The following RSRC1 variants were observed in gnomAD, a reference collection of about 807,000 sequenced individuals.
The protein encoded by RSRC1 is serine/Arginine-related protein 53.
In RSRC1, 39 loss-of-function variants were observed where a neutral mutation model predicts 49.1. That is an observed-to-expected ratio of 0.79 (90% CI 0.61 to 1.04). RSRC1 has a LOEUF of 1.04. RSRC1 is among the 50% of genes least tolerant of loss of function. RSRC1 has a pLI of 0.00. For missense variants in RSRC1, 388 were observed against 402.4 expected, an observed-to-expected ratio of 0.96 and a Z score of 0.31; for synonymous variants, 143 against 130.8, an observed-to-expected ratio of 1.09 and a Z score of -0.63.
chr3:158,399,068 C>A (rs992679958), intron 6 of RSRC1, among the ~76,000 whole-genome samples: 1 of 138,110 alleles, frequency 7.2e-6, no homozygotes, highest in Non-Finnish European at 1.5e-5. Flanking sequence ...TTTCTAAAAT[C>A]TTTACATGGA....
chr3:158,408,942 A>G (rs1734286424), intron 6 of RSRC1, among the ~76,000 whole-genome samples: 1 of 152,094 alleles, frequency 6.6e-6, no homozygotes, highest in Admixed American at 6.6e-5. Context: ...CTGAGGCAGG[A>G]GAATTGCTTG....
chr3:158,527,699 T>C (rs1017535602), intron 7 of RSRC1, among the ~76,000 whole-genome samples: 12 of 151,934 alleles, frequency 7.9e-5, no homozygotes, highest in African/African-American at 2.7e-4. Context: ...AAAATAAGGA[T>C]TTAAACATGA....
intron 5 of RSRC1, among the ~76,000 whole-genome samples, chr3:158,314,112 C>T (rs140895913): frequency 4.0e-4 from 61 of 152,078 alleles, no homozygotes; most frequent in African/African-American, 1.3e-3. Context: ...TGTTGTTAGA[C>T]GGAATCTCAC....
At position 158,456,592 on chromosome 3, in the gene RSRC1, A is replaced by G. The variant is rs1427470569; in HGVS notation, c.584-4343A>G. Among the ~76,000 whole-genome samples, 3 of 152,230 alleles carry G rather than the reference A, an allele frequency of 2.0e-5. No homozygotes were observed. The East Asian group carries it at 5.8e-4, about 29-fold the overall frequency. On this transcript the variant is annotated intron_variant, in intron 6 of 9. Coordinates refer to ENST00000611884, the MANE Select transcript of RSRC1 (RefSeq NM_001271838.2). ...AGTACCTATGGAAAAAAGAAGCAAC[A>G]GTTTTATCCACTTGGGGACAAAGGT...
chr3:158,537,740 A>G (rs924995229), intron 8 of RSRC1, among the ~76,000 whole-genome samples: 1 of 151,616 alleles, frequency 6.6e-6, no homozygotes, highest in Non-Finnish European at 1.5e-5. Context: ...TTAGGTTTCT[A>G]TAGTAGGAAA....
At chr3:158,279,604 A>T (rs1342121288) in intron 4 of RSRC1, among the ~76,000 whole-genome samples, 1 of 152,262 alleles carries the variant, frequency 6.6e-6, no homozygotes, top group Non-Finnish European at 1.5e-5. Context: ...AAACTACCAT[A>T]AATTGAATAT....
chr3:158,324,360 C>T (rs539950877), intron 5 of RSRC1, among the ~76,000 whole-genome samples: 236 of 152,144 alleles, frequency 1.6e-3, no homozygotes, highest in Middle Eastern at 6.8e-3. Context: ...TTAGCTATAT[C>T]TCCTAATGCT....
At chr3:158,306,479 T>G (rs1727847321) in intron 5 of RSRC1, among the ~76,000 whole-genome samples, 1 of 151,924 alleles carries the variant, frequency 6.6e-6, no homozygotes, top group Non-Finnish European at 1.5e-5. Context: ...GAGCACGTAA[T>G]TTGTCTTTTA....
intron 6 of RSRC1, among the ~76,000 whole-genome samples, chr3:158,367,464 C>G (rs9881630): frequency 0.52 from 79,417 of 152,022 alleles, 21,133 homozygotes; most frequent in African/African-American, 0.61. Context: ...GTTGAACCAG[C>G]CTTGCATCCC....
intron 5 of RSRC1, among the ~76,000 whole-genome samples, chr3:158,329,920 A>C (rs1729440323): frequency 6.6e-6 from 1 of 152,152 alleles, no homozygotes; most frequent in East Asian, 1.9e-4. Context: ...CACCTACTCA[A>C]GCCTCAGCAG....
At chr3:158,302,244 G>A (rs1233523911) in intron 5 of RSRC1, among the ~76,000 whole-genome samples, 1 of 152,030 alleles carries the variant, frequency 6.6e-6, no homozygotes, top group Non-Finnish European at 1.5e-5. Flanking sequence ...AGCACAACAG[G>A]TAGCACATGC....
chr3:158,328,120 G>T (rs1052501033), intron 5 of RSRC1, among the ~76,000 whole-genome samples: 6 of 151,722 alleles, frequency 4.0e-5, no homozygotes, highest in Non-Finnish European at 4.4e-5. Flanking sequence ...TTGAGCCTAT[G>T]TGTGTCTCTG....
chr3:158,542,138 A>C (rs183154169), intron 8 of RSRC1, among the ~76,000 whole-genome samples: 11 of 152,346 alleles, frequency 7.2e-5, no homozygotes, highest in Admixed American at 4.6e-4. Context: ...TCAACTGATG[A>C]ATGGATAAAT....
chr3:158,133,904 G>A (rs1364658499), intron 3 of RSRC1, among the ~76,000 whole-genome samples: 1 of 152,158 alleles, frequency 6.6e-6, no homozygotes, highest in East Asian at 1.9e-4. Context: ...TCAATGTCTT[G>A]TTAAAATGGT....
chr3:158,187,042 G>A (rs900718418), intron 3 of RSRC1, among the ~76,000 whole-genome samples: 75 of 151,988 alleles, frequency 4.9e-4, no homozygotes, highest in African/African-American at 1.6e-3. Flanking sequence ...GCAGTATGTC[G>A]TAGTTGAAAG....
At chr3:158,288,932 A>C (rs763737435) in intron 4 of RSRC1, among the ~76,000 whole-genome samples, 10 of 139,184 alleles carry the variant, frequency 7.2e-5, no homozygotes, top group Non-Finnish European at 1.1e-4. Flanking sequence ...CCTTGGTTTG[A>C]CAACACAGTT....
intron 6 of RSRC1, among the ~76,000 whole-genome samples, chr3:158,360,766 AC>A (rs1040586470): frequency 5.9e-5 from 9 of 152,170 alleles, no homozygotes; most frequent in Non-Finnish European, 1.2e-4. Context: ...AGGAGCAGGC[AC>A]CCTCAAGCCT....
chr3:158,461,998 A>G (rs1374903060), intron 7 of RSRC1, among the ~76,000 whole-genome samples: 17 of 34,576 alleles, frequency 4.9e-4, no homozygotes, highest in African/African-American at 2.2e-3. Context: ...AAACCAAGCG[A>G]AAAAAAAAAA....
At chr3:158,325,602 A>G (rs7614091) in intron 5 of RSRC1, among the ~76,000 whole-genome samples, 87,623 of 151,982 alleles carry the variant, frequency 0.58, 25,598 homozygotes, top group East Asian at 0.74. Flanking sequence ...CTGTTTTGGT[A>G]CCACTACCAT....
Sources: allele counts gnomAD v4.1 joint callset (sites outside exome capture counted in the v4.1 genomes callset), GRCh38; gene constraint gnomAD v4.1.1; transcripts MANE v1.5; gene names NCBI Gene and HGNC (gene_info 2026-07-23, HGNC 2026-07-21).